LCORL: variants seen among roughly 807,000 people sequenced by gnomAD.
LCORL encodes the protein ligand-dependent nuclear receptor corepressor-like protein.
In LCORL, 41 loss-of-function variants were observed where a neutral mutation model predicts 141.8. The observed-to-expected ratio is 0.29, with a 90% CI of 0.23 to 0.38. The LOEUF (loss-of-function observed/expected upper bound fraction) is 0.38. LCORL is among the 10% of genes least tolerant of loss of function. The pLI is 1.00. For synonymous variants in LCORL, 618 were observed against 694.1 expected (o/e 0.89, Z 1.72); for missense variants, 1,759 against 2,035.0 (o/e 0.86, Z 2.61).
intron 1 of LCORL, among the ~76,000 whole-genome samples, chr4:17,992,592 T>G (rs1010053971): frequency 2.0e-5 from 3 of 152,244 alleles, no homozygotes; most frequent in African/African-American, 7.2e-5. Context: ...AACAGATTCT[T>G]GAGTTGCTAG....
chr4:17,911,430 C>G (rs1732508343), intron 4 of LCORL, among the ~76,000 whole-genome samples: 1 of 152,100 alleles, frequency 6.6e-6, no homozygotes, highest in Admixed American at 6.5e-5. Flanking sequence ...GTTTGAGGCA[C>G]TAAGAAGGAT....
intron 1 of LCORL, among the ~76,000 whole-genome samples, chr4:18,012,078 T>C (rs1723898233): frequency 6.6e-6 from 1 of 152,186 alleles, no homozygotes; most frequent in Non-Finnish European, 1.5e-5. Context: ...CCACAAACAC[T>C]TTTCACATTC....
intron 1 of LCORL, among the ~76,000 whole-genome samples, chr4:17,977,761 G>C (rs1175688786): frequency 6.6e-6 from 1 of 152,130 alleles, no homozygotes; most frequent in African/African-American, 2.4e-5. Context: ...AACAACAGTT[G>C]TTAATTTTGA....
At chr4:17,937,909 T>C (rs536096302) in intron 4 of LCORL, among the ~76,000 whole-genome samples, 2 of 152,206 alleles carry the variant, frequency 1.3e-5, no homozygotes, top group South Asian at 2.1e-4. Context: ...ATTTATAACA[T>C]ATTTAGAATT....
chr4:18,000,837 A>G (rs1198686810), intron 1 of LCORL, among the ~76,000 whole-genome samples: 3 of 152,220 alleles, frequency 2.0e-5, no homozygotes, highest in Non-Finnish European at 4.4e-5. Context: ...GGTGGTGGTT[A>G]TAAGAGTATG....
chr4:18,014,559 G>T (rs1284621614), intron 1 of LCORL, among the ~76,000 whole-genome samples: 1 of 152,034 alleles, frequency 6.6e-6, no homozygotes, highest in Non-Finnish European at 1.5e-5. Context: ...GTAAAAAAAA[G>T]AAAAGTAAGA....
chr4:18,002,320 C>T (rs1462146676), intron 1 of LCORL, among the ~76,000 whole-genome samples: 1 of 151,938 alleles, frequency 6.6e-6, no homozygotes, highest in Non-Finnish European at 1.5e-5. Flanking sequence ...ATAAACAATG[C>T]TTTCTTACTG....
exon 7 of LCORL, chr4:17,875,823 T>A: frequency 1.6e-6 from 2 of 1,231,282 alleles, no homozygotes; most frequent in East Asian, 3.2e-5. Flanking sequence ...TTGTGGCTTA[T>A]CACTATTTAT....
chr4:17,953,979 C>T (rs369845852), intron 4 of LCORL, among the ~76,000 whole-genome samples: 17 of 152,052 alleles, frequency 1.1e-4, no homozygotes, highest in East Asian at 9.7e-4. Context: ...CTGCATAACA[C>T]GGTGAAACCC....
intron 1 of LCORL, among the ~76,000 whole-genome samples, chr4:18,011,110 A>G (rs920148916): frequency 2.6e-5 from 4 of 152,144 alleles, no homozygotes; most frequent in Non-Finnish European, 4.4e-5. Flanking sequence ...GACTGGATGG[A>G]TAAGTCAGCC....
exon 3 of LCORL, chr4:17,962,976 T>C: frequency 6.4e-7 from 1 of 1,570,466 alleles, no homozygotes; most frequent in Non-Finnish European, 8.7e-7. Flanking sequence ...TTACACTGAC[T>C]GCTTCTCTCT....
intron 5 of LCORL, among the ~76,000 whole-genome samples, chr4:17,905,761 T>C (rs1052994768): frequency 6.6e-6 from 1 of 152,046 alleles, no homozygotes; most frequent in African/African-American, 2.4e-5. Flanking sequence ...ACTCACCAAA[T>C]AAATAACTGG....
intron 1 of LCORL, among the ~76,000 whole-genome samples, chr4:18,017,552 G>A (rs577674955): frequency 1.2e-4 from 19 of 152,190 alleles, no homozygotes; most frequent in African/African-American, 4.3e-4. Context: ...CTGCCAAAAT[G>A]CATAACCAAT....
intron 5 of LCORL, among the ~76,000 whole-genome samples, chr4:17,894,405 T>C (rs1274581800): frequency 6.6e-6 from 1 of 152,206 alleles, no homozygotes; most frequent in Non-Finnish European, 1.5e-5. Context: ...TAAAAATTAT[T>C]GCAGACCTTT....
intron 1 of LCORL, chr4:18,020,641 G>A (rs1029214437): frequency 1.3e-5 from 2 of 151,964 alleles, no homozygotes; most frequent in African/African-American, 4.8e-5. Context: ...ACAATCCACA[G>A]GGTGAGAGCC....
Position 17,884,158 on chromosome 4 carries a change from T to G in LCORL, c.776+1910A>C. On this transcript the variant is annotated intron_variant, in intron 6 of 7. Coordinates refer to ENST00000635767, the Ensembl canonical transcript of LCORL. This position sits in a 1 kb window ranked among gnomAD's most constrained non-coding sequence, Gnocchi z 4.4. Reference sequence around the variant, plus strand: ...ATTCTATTTTGTTCTGTTTAGGGAGTATATTTTTCAGTTTTTGGAGAGCTG... The same window carrying G: ...ATTCTATTTTGTTCTGTTTAGGGAGGATATTTTTCAGTTTTTGGAGAGCTG... 2 of 1,550,312 alleles carry G rather than the reference T, an allele frequency of 1.3e-6. No homozygotes were observed. Among genetic ancestry groups the G allele is most frequent in the Non-Finnish European group, 8.7e-7 (1 of 1,146,230 alleles).
At chr4:17,971,578 GT>G (rs535281711) in intron 2 of LCORL, among the ~76,000 whole-genome samples, 4 of 149,094 alleles carry the variant, frequency 2.7e-5, no homozygotes, top group Admixed American at 6.7e-5. Context: ...GTAGTTATGT[GT>G]TTTTTTTTGG....
At chr4:17,989,762 T>C (rs1056765622) in intron 1 of LCORL, among the ~76,000 whole-genome samples, 6 of 152,250 alleles carry the variant, frequency 3.9e-5, no homozygotes, top group African/African-American at 1.4e-4. Context: ...GACCACAAAC[T>C]GTGCCTTAAA....
chr4:17,875,291 A>G, exon 7 of LCORL: 2 of 1,231,476 alleles, frequency 1.6e-6, no homozygotes, highest in Non-Finnish European at 2.0e-6. Context: ...TTGGTCGAAT[A>G]ATGTTCTTGG....
Sources: allele counts gnomAD v4.1 joint callset (sites outside exome capture counted in the v4.1 genomes callset), GRCh38; gene constraint gnomAD v4.1.1; non-coding constraint Gnocchi (gnomAD v3.1); transcripts MANE v1.5; gene names NCBI Gene and HGNC (gene_info 2026-07-23, HGNC 2026-07-21).